ELFN1: variants seen among roughly 807,000 people sequenced by gnomAD.
ELFN1 encodes the protein protein ELFN1.
In ELFN1, 6 loss-of-function variants were observed where a neutral mutation model predicts 7.6. That is an observed-to-expected ratio of 0.79 (90% CI 0.43 to 1.56). The LOEUF is 1.56. Ranked by LOEUF, ELFN1 falls within the 40% of genes most tolerant of loss-of-function variation. The pLI, the probability that ELFN1 is intolerant of heterozygous loss-of-function variation, is 0.01. For missense variants in ELFN1, 1,169 were observed against 1,232.2 expected (o/e 0.95, Z 0.77); for synonymous variants, 657 against 588.1 (o/e 1.12, Z -1.70).
At chr7:1,685,582 A>T (rs984903183) in intron 1 of ELFN1, among the ~76,000 whole-genome samples, 1 of 152,036 alleles carries the variant, frequency 6.6e-6, no homozygotes, top group African/African-American at 2.4e-5. Flanking sequence ...CCATCTTGCA[A>T]GCCCTCATGT....
At chr7:1,712,827 T>G (rs115644818) in intron 3 of ELFN1, among the ~76,000 whole-genome samples, 3,528 of 152,332 alleles carry the variant, frequency 0.023, 144 homozygotes, top group African/African-American at 0.081. Flanking sequence ...CGTCCCTCTT[T>G]TATCTCTTAT....
At position 1,745,770 on chromosome 7, in the gene ELFN1, C is replaced by A; in HGVS notation, c.1174C>A (p.His392Asn). 6.4e-7 allele frequency: 1 copy of A among 1,553,440 alleles called. No homozygotes were observed. Among genetic ancestry groups the A allele is most frequent in the Non-Finnish European group, 8.7e-7 (1 of 1,148,994 alleles). Residue 392 changes from histidine (H) to asparagine (N), a missense_variant, in exon 4 of 4, where the codon CAC becomes AAC. His to Asn is a moderately conservative substitution (Grantham distance 68). This residue lies in a region of ELFN1 where 914 missense variants were observed against 872.6 expected (regional missense o/e 1.05). Coordinates refer to ENST00000424383, the MANE Select transcript of ELFN1 (RefSeq NM_001128636.4). The stretch of plus-strand genomic sequence containing the variant: ...CACCAGCGCCGGGCTGCGCCACAAC[C>A]ACACCTGCCTCACCATCTGCTTGCC... ...VSTSAGLRHN[H>N]TCLTICLPRL...
At chr7:1,688,943 T>C (rs117663466) in intron 2 of ELFN1, among the ~76,000 whole-genome samples, 1,911 of 152,350 alleles carry the variant, frequency 0.013, 21 homozygotes, top group Non-Finnish European at 0.022. Context: ...CAATTTATGA[T>C]AGAGTTACAT....
chr7:1,684,981 C>T (rs889387396), intron 1 of ELFN1, among the ~76,000 whole-genome samples: 2 of 152,198 alleles, frequency 1.3e-5, no homozygotes, highest in African/African-American at 4.8e-5. Context: ...GAATTACCAT[C>T]TGACATTTCC....
At position 1,745,199 on chromosome 7, in the gene ELFN1, C is replaced by T. The variant is rs376396333; in HGVS notation, c.603C>T (p.Phe201=). The change falls in exon 4 of 4, where the codon TTC becomes TTT. Residue 201 remains phenylalanine, a synonymous_variant. Coordinates refer to ENST00000424383, the MANE Select transcript of ELFN1 (RefSeq NM_001128636.4). ...ACTGCTCCTGCGAGCTGCTGGGCTT[C>T]CTGCGCTGGCTGGCCGCCTTCACCA... ...PFYCSCELLG[F]LRWLAAFTNA... 2.7e-4 allele frequency: 421 copies of T among 1,545,240 alleles called. 1 individual carries two copies. In the African/African-American group the frequency reaches 5.0e-3, roughly 18 times the overall value.
chr7:1,694,648 C>T (rs931415230), intron 2 of ELFN1, among the ~76,000 whole-genome samples: 1 of 152,220 alleles, frequency 6.6e-6, no homozygotes, highest in African/African-American at 2.4e-5. Context: ...CCCCCAGCAC[C>T]CAGACGCCCA....
chr7:1,696,461 A>C (rs2128582509), intron 2 of ELFN1, among the ~76,000 whole-genome samples: 1 of 151,422 alleles, frequency 6.6e-6, no homozygotes, highest in East Asian at 1.9e-4. Flanking sequence ...ACACAATCAC[A>C]GATCACTGCA....
At chr7:1,726,821 C>T (rs1212293920) in intron 3 of ELFN1, among the ~76,000 whole-genome samples, 4 of 152,204 alleles carry the variant, frequency 2.6e-5, no homozygotes, top group African/African-American at 9.7e-5. Context: ...ATGCCTCCTC[C>T]ACCAGAACTC....
chr7:1,710,292 A>G (rs1562369405), intron 3 of ELFN1, among the ~76,000 whole-genome samples: 1 of 152,226 alleles, frequency 6.6e-6, no homozygotes, highest in Non-Finnish European at 1.5e-5. Context: ...CAATCTGTCT[A>G]GAACCTCCCA....
At chr7:1,679,552 G>T (rs1778936565) in intron 1 of ELFN1, among the ~76,000 whole-genome samples, 1 of 152,164 alleles carries the variant, frequency 6.6e-6, no homozygotes, top group South Asian at 2.1e-4. Flanking sequence ...CCAGGCTGCT[G>T]CCTCAGCCCC....
intron 3 of ELFN1, among the ~76,000 whole-genome samples, chr7:1,732,684 C>T (rs1027937856): frequency 6.6e-6 from 1 of 151,992 alleles, no homozygotes; most frequent in Admixed American, 6.5e-5. Context: ...TGGAGTTCCC[C>T]GAGCCGCAAA....
At chr7:1,694,563 T>C (rs761938606) in intron 2 of ELFN1, among the ~76,000 whole-genome samples, 1 of 152,154 alleles carries the variant, frequency 6.6e-6, no homozygotes, top group African/African-American at 2.4e-5. Flanking sequence ...CCGGAGCTTA[T>C]GCCCCTAGAA....
At position 1,747,883 on chromosome 7, in the gene ELFN1, T is replaced by TA. The variant is rs5881906; in HGVS notation, c.*817dup. 14,751 of 143,888 alleles carry TA rather than the reference T, an allele frequency of 0.1. 821 individuals carry two copies. Among genetic ancestry groups the TA allele is most frequent in the African/African-American group, 0.16 (5,553 of 35,320 alleles). The allele number at this position is 143,888 out of a possible 1,614,324, so 8.9% of individuals were successfully genotyped here. A position where few individuals can be genotyped will look rare whatever the true frequency, so the allele number is the denominator to read the frequency against. On this transcript the variant is annotated 3_prime_UTR_variant, in exon 4 of 4. Coordinates refer to ENST00000424383, the MANE Select transcript of ELFN1 (RefSeq NM_001128636.4). ...AGAAAGAAAAAAAGACTATGTCTAC[T>TA]AAAAAAAAAAAAAAAAAGACTATGT... is the stretch of plus-strand genomic sequence containing the variant.
upstream of ELFN1, among the ~76,000 whole-genome samples, chr7:1,666,241 G>A (rs1352807974): frequency 6.6e-6 from 1 of 151,974 alleles, no homozygotes; most frequent in African/African-American, 2.4e-5. The surrounding 1 kb of genome is among the most constrained non-coding windows in gnomAD (Gnocchi z 7.9). Flanking sequence ...TGCGGGATCG[G>A]AGGGTCCCCG....
intron 3 of ELFN1, among the ~76,000 whole-genome samples, chr7:1,713,351 G>A (rs991874409): frequency 4.6e-5 from 7 of 152,200 alleles, no homozygotes; most frequent in Non-Finnish European, 8.8e-5. Context: ...GCGGTCTGAC[G>A]GTGGAGGCAG....
At chr7:1,703,659 C>A (rs549365167) in intron 2 of ELFN1, among the ~76,000 whole-genome samples, 1 of 152,028 alleles carries the variant, frequency 6.6e-6, no homozygotes, top group Non-Finnish European at 1.5e-5. Context: ...CGGTGCTGAG[C>A]GGGGGAGATT....
intron 1 of ELFN1, among the ~76,000 whole-genome samples, chr7:1,683,245 A>G (rs535716901): frequency 2.6e-5 from 4 of 152,216 alleles, no homozygotes; most frequent in Admixed American, 6.5e-5. Context: ...ACTTACCACT[A>G]AAGTCATAGG....
At chr7:1,731,647 C>G (rs1026171751) in intron 3 of ELFN1, among the ~76,000 whole-genome samples, 21 of 152,160 alleles carry the variant, frequency 1.4e-4, no homozygotes, top group African/African-American at 5.1e-4. Context: ...GATTGCCTTC[C>G]TTTATTTATT....
At chr7:1,697,003 T>A (rs984078816) in intron 2 of ELFN1, among the ~76,000 whole-genome samples, 1 of 152,196 alleles carries the variant, frequency 6.6e-6, no homozygotes, top group African/African-American at 2.4e-5. Context: ...GCTGGGAGGC[T>A]TCTCAGAGGA....
Sources: gnomAD v4.1 joint callset for allele counts (sites outside exome capture counted in the v4.1 genomes callset) on GRCh38, gnomAD v4.1.1 for gene constraint, gnomAD v4.1.1 regional missense constraint, Gnocchi (gnomAD v3.1) non-coding constraint, MANE v1.5 for transcripts, NCBI Gene and HGNC (gene_info 2026-07-23, HGNC 2026-07-21) for gene names.